The following CIAO3 variants were observed in gnomAD, a reference collection of about 807,000 sequenced individuals.
The protein encoded by CIAO3 is LET1 like/JFP15.
Under a neutral mutation model 51.5 loss-of-function variants are expected in CIAO3, and 45 were observed. The observed-to-expected ratio is 0.87, with a 90% CI of 0.69 to 1.12. CIAO3 has a LOEUF of 1.12. Ranked by LOEUF, CIAO3 falls within the 50% of genes most tolerant of loss-of-function variation. CIAO3 has a pLI of 0.00. For missense variants in CIAO3, 668 were observed against 632.5 expected (o/e 1.06, Z -0.60); for synonymous variants, 314 against 269.3 (o/e 1.17, Z -1.63).
intron 2 of CIAO3, chr16:739,336 G>A (rs1449116910): frequency 1.3e-5 from 5 of 391,708 alleles, no homozygotes; most frequent in Non-Finnish European, 2.4e-5. Flanking sequence ...AGAACGAGGG[G>A]TCTGAATTAG....
chr16:732,499 C>A, intron 7 of CIAO3, 126 bp from the exon 8 acceptor site: 1 of 1,109,762 alleles, frequency 9.0e-7, no homozygotes, highest in Non-Finnish European at 1.3e-6. Context: ...AATGTCCACC[C>A]TAGCCCGTGG....
At chr16:736,938 A>T (rs1327717874) in intron 3 of CIAO3, 2 of 509,612 alleles carry the variant, frequency 3.9e-6, no homozygotes, top group Non-Finnish European at 7.1e-6. Context: ...TGCTGGTATG[A>T]CAGGCGTGAG....
chr16:740,897 C>G, intron 1 of CIAO3, 23 bp downstream of exon 1: 2 of 1,527,784 alleles, frequency 1.3e-6, no homozygotes, highest in Non-Finnish European at 1.8e-6. Context: ...CAGCCTCGAC[C>G]CCGCCCGCCC....
rs985171625 is a variant in CIAO3 at position 730,411 on chromosome 16, C to A, written c.*6G>T. The A allele has an allele frequency of 5.6e-6, 9 of 1,599,206 alleles. No homozygotes were observed. In the African/African-American group the frequency reaches 1.2e-4, roughly 21 times the overall value. ...CGGCCTCCTGGGAGTCCTGGTCCTG[C>A]AGCCCCTACCACCGGATGCCCAGGC... On this transcript the variant is annotated 3_prime_UTR_variant, in exon 11 of 11. Transcript: ENST00000251588.
Position 734,358 on chromosome 16 carries a change from A to AGGGGGCACACGGGGCTGGC in CIAO3, c.575-30_575-12dup. The AGGGGGCACACGGGGCTGGC allele has an allele frequency of 6.3e-7, 1 of 1,598,620 alleles. No homozygotes were observed. The highest frequency in any genetic ancestry group is 8.5e-7 in the Non-Finnish European group (1 of 1,172,176). Reference sequence around the variant, plus strand: ...CATAGCAGATCCAGCCTGAGGTGACAGGGGGCACACGGGGCTGGCGGGGGC... The same window carrying AGGGGGCACACGGGGCTGGC: ...CATAGCAGATCCAGCCTGAGGTGACAGGGGGCACACGGGGCTGGCGGGGGCACACGGGGCTGGCGGGGGC... On this transcript the variant is annotated splice_polypyrimidine_tract_variant and intron_variant, in intron 5 of 10. Coordinates refer to ENST00000251588, the MANE Select transcript of CIAO3 (RefSeq NM_022493.3).
At position 730,612 on chromosome 16, in the gene CIAO3, G is replaced by C; in HGVS notation, c.1236C>G (p.Pro412=). The C allele has an allele frequency of 1.2e-6, 2 of 1,610,344 alleles. No homozygotes were observed. Among genetic ancestry groups the C allele is most frequent in the Non-Finnish European group, 1.7e-6 (2 of 1,179,914 alleles). ...GGGQLQAPDR[P]SRELLQHVER... ...CCACGTGCTGGAGGAGCTCTCTGCT[G>C]GGCCTGTCTGGGGCCTGGAGCTGGC... Residue 412 remains proline (P), a synonymous_variant, in exon 11 of 11, where the codon CCC becomes CCG. Coordinates refer to ENST00000251588, the MANE Select transcript of CIAO3 (RefSeq NM_022493.3).
At chr16:738,808 C>T (rs1179882842) in intron 2 of CIAO3, among the ~76,000 whole-genome samples, 1 of 150,428 alleles carries the variant, frequency 6.6e-6, no homozygotes, top group Non-Finnish European at 1.5e-5. Context: ...CCACGACACC[C>T]AACTAATTTT....
In CIAO3 at chr16:736,362, A is replaced by G; in HGVS notation, c.343T>C (p.Ser115Pro). The change falls in exon 4 of 11, where the codon TCG (serine) becomes CCG (proline). Residue 115 changes from serine to proline, a missense_variant. Coordinates refer to ENST00000251588, the MANE Select transcript of CIAO3 (RefSeq NM_022493.3). The stretch of plus-strand genomic sequence containing the variant: ...GATGCTCTAGACTGTGGTGAGACCG[A>G]AACTACAACCAGCCTCTGCTGACTG... ...APSQQRLVVV[S>P]VSPQSRASLA... The G allele has an allele frequency of 6.2e-7, 1 of 1,613,054 alleles. No homozygotes were observed. The highest frequency in any genetic ancestry group is 1.1e-5 in the South Asian group (1 of 91,076).
intron 6 of CIAO3, 135 bp downstream of exon 6, chr16:734,094 A>G (rs2041313112): frequency 1.3e-6 from 1 of 774,364 alleles, no homozygotes; most frequent in Non-Finnish European, 2.2e-6. Context: ...AGGAGGGAAC[A>G]AGGGTGGAGG....
At chr16:739,069 G>A (rs923169298) in intron 2 of CIAO3, among the ~76,000 whole-genome samples, 7 of 151,406 alleles carry the variant, frequency 4.6e-5, no homozygotes, top group Non-Finnish European at 7.4e-5. Context: ...AGGCCAAGGC[G>A]GGTGGATCAC....
At position 734,431 on chromosome 16, in the gene CIAO3, C is replaced by A. The variant is rs187786229; in HGVS notation, c.575-84G>T. On this transcript the variant is annotated intron_variant, in intron 5 of 10. Coordinates refer to ENST00000251588, the MANE Select transcript of CIAO3 (RefSeq NM_022493.3). ...AGGCAGCAGCACGACATTCTGGGGG[C>A]GGGCCCGCTCATACAGGAGATCATG... is the stretch of plus-strand genomic sequence containing the variant. The A allele has an allele frequency of 4.0e-6, 4 of 991,474 alleles. No individual in the cohort carries two copies. In the Admixed American group the frequency reaches 8.7e-5, roughly 22 times the overall value. The allele number at this position is 991,474 out of a possible 1,614,324, so 61.4% of individuals were successfully genotyped here. A position where few individuals can be genotyped will look rare whatever the true frequency, so the allele number is the denominator to read the frequency against.
At chr16:732,613 A>G in intron 7 of CIAO3, 4 of 632,538 alleles carry the variant, frequency 6.3e-6, no homozygotes, top group Middle Eastern at 2.5e-4. Flanking sequence ...CCCAGTGTCC[A>G]TCTGTCCATC....
chr16:731,645 G>GC lies in CIAO3; in HGVS notation c.953dup (p.Tyr319LeufsTer20). 1.3e-6 allele frequency: 2 copies of GC among 1,557,114 alleles called. No homozygotes were observed. Among genetic ancestry groups the GC allele is most frequent in the Admixed American group, 1.9e-5 (1 of 52,360 alleles). On this transcript the variant is annotated frameshift_variant, in exon 9 of 11. Transcript: ENST00000251588. LOFTEE classifies it high-confidence loss of function. ...CGTGCCGGAACACGTGCTCCAGGTAGCCCCCCGAGCCCCCTCCCCGATGGC... is the reference window on the plus strand; with the variant it reads ...CGTGCCGGAACACGTGCTCCAGGTAGCCCCCCCGAGCCCCCTCCCCGATGGC...
chr16:737,270 G>A lies in CIAO3; in HGVS notation c.222C>T (p.Cys74=). The A allele has an allele frequency of 1.9e-6, 3 of 1,613,506 alleles. No individual in the cohort carries two copies. The highest frequency in any genetic ancestry group is 2.5e-6 in the Non-Finnish European group (3 of 1,180,032). ...AKVSLNDCLA[C]SGCITSAETV... ...TCTCTGCGGAGGTGATGCAGCCGCTGCACGCCAGGCAGTCGTTTAGCGAGA... is the reference window on the plus strand; with the variant it reads ...TCTCTGCGGAGGTGATGCAGCCGCTACACGCCAGGCAGTCGTTTAGCGAGA... Residue 74 remains cysteine, a synonymous_variant, in exon 3 of 11, where the codon TGC becomes TGT. Coordinates refer to ENST00000251588, the MANE Select transcript of CIAO3 (RefSeq NM_022493.3). The surrounding 1 kb of genome is among the most constrained non-coding windows in gnomAD (Gnocchi z 5.3).
rs1001010041 is a variant in CIAO3 at position 729,924 on chromosome 16, AC to A, written c.*492del. ...AACCCCTGCTTTCCAGGGGCCTGGC[AC>A]CCCCCCCTGCCAGGGTCCACACGCA... On this transcript the variant is annotated 3_prime_UTR_variant, in exon 11 of 11. Transcript: ENST00000251588. 1.4e-3 allele frequency: 445 copies of A among 327,436 alleles called. No homozygotes were observed. The highest frequency in any genetic ancestry group is 3.5e-3 in the East Asian group (36 of 10,300). 20.3% of individuals were successfully genotyped at this position (327,436 alleles called of 1,614,324 possible).
At chr16:738,474 G>C (rs1356743427) in intron 2 of CIAO3, 1 of 368,574 alleles carries the variant, frequency 2.7e-6, no homozygotes, top group African/African-American at 2.3e-5. Flanking sequence ...TCAGCTTCCC[G>C]GTAGCTGGGA....
In CIAO3 at chr16:736,281, A is replaced by T; in HGVS notation, c.424T>A (p.Phe142Ile). The change falls in exon 4 of 11, where the codon TTC (phenylalanine) becomes ATC (isoleucine). Residue 142 changes from phenylalanine to isoleucine, a missense_variant. Physicochemically the swap from Phe to Ile is conservative, Grantham distance 21 (BLOSUM62 0). Coordinates refer to ENST00000251588, the MANE Select transcript of CIAO3 (RefSeq NM_022493.3). Reference sequence around the variant, plus strand: ...CAAAGCCTACCTATTTTTTTAAAGAATGAGGTTAATTTCCTGGCAGTATCT... The same window carrying T: ...CAAAGCCTACCTATTTTTTTAAAGATTGAGGTTAATTTCCTGGCAGTATCT... ...PTDTARKLTSFFKKIGVHFVF... is the reference protein window; with the variant it reads ...PTDTARKLTSIFKKIGVHFVF... The T allele has an allele frequency of 6.2e-7, 1 of 1,612,814 alleles. No homozygotes were observed. Among genetic ancestry groups the T allele is most frequent in the Non-Finnish European group, 8.5e-7 (1 of 1,179,768 alleles).
chr16:731,654 GC>G lies in CIAO3; in HGVS notation c.944del (p.Gly315AlafsTer30). 1.9e-6 allele frequency: 3 copies of G among 1,557,910 alleles called. No individual in the cohort carries two copies. Among genetic ancestry groups the G allele is most frequent in the Non-Finnish European group, 2.6e-6 (3 of 1,151,658 alleles). ...AEEPTSHRGG[G>X]SGGYLEHVFR... ...ACACGTGCTCCAGGTAGCCCCCCGA[GC>G]CCCCTCCCCGATGGCTGGTGGGCTC... On this transcript the variant is annotated frameshift_variant, in exon 9 of 11. Coordinates refer to ENST00000251588, the MANE Select transcript of CIAO3 (RefSeq NM_022493.3). LOFTEE classifies it high-confidence loss of function.
In CIAO3 at chr16:737,776, C is replaced by T; in HGVS notation, c.163-447G>A. 1 of 1,218,648 alleles carries T rather than the reference C, an allele frequency of 8.2e-7. No homozygotes were observed. Among genetic ancestry groups the T allele is most frequent in the Admixed American group, 3.1e-5 (1 of 32,656 alleles). The allele number at this position is 1,218,648 out of a possible 1,614,324, so 75.5% of individuals were successfully genotyped here. A position where few individuals can be genotyped will look rare whatever the true frequency, so the allele number is the denominator to read the frequency against. On this transcript the variant is annotated intron_variant, in intron 2 of 10. Transcript: ENST00000251588. This position sits in a 1 kb window ranked among gnomAD's most constrained non-coding sequence, Gnocchi z 5.3. Reference sequence around the variant, plus strand: ...GAAGAGGAGAGCAGAGGGAGGAAGCCTGGGAGCCTGGCCTCCGGTGGGCGG... The same window carrying T: ...GAAGAGGAGAGCAGAGGGAGGAAGCTTGGGAGCCTGGCCTCCGGTGGGCGG...
Sources: allele counts gnomAD v4.1 joint callset (sites outside exome capture counted in the v4.1 genomes callset), GRCh38; gene constraint gnomAD v4.1.1; non-coding constraint Gnocchi (gnomAD v3.1); transcripts MANE v1.5; gene names NCBI Gene and HGNC (gene_info 2026-07-23, HGNC 2026-07-21).